The following GHR variants were observed in gnomAD, a reference collection of about 807,000 sequenced individuals.
GHR encodes growth hormone receptor.
Under a neutral mutation model 67.1 loss-of-function variants are expected in GHR, and 35 were observed. The ratio of observed to expected loss-of-function variants is 0.52; its 90% confidence interval spans 0.40 to 0.69. The LOEUF is 0.69. Among genes scored for constraint, GHR ranks in the 30% least tolerant of loss-of-function variants. GHR has a pLI of 0.00. For synonymous variants in GHR, 272 were observed against 269.1 expected (o/e 1.01, Z -0.10); for missense variants, 792 against 764.6 (o/e 1.04, Z -0.42).
At chr5:42,688,803 T>A in intron 3 of GHR, 87 bp from the exon 4 acceptor site, 1 of 1,241,782 alleles carries the variant, frequency 8.1e-7, no homozygotes. Context: ...TCCCAGTAGT[T>A]TCTTCACACA....
At chr5:42,425,453 G>C (rs1742810140) in intron 1 of GHR, among the ~76,000 whole-genome samples, 1 of 152,184 alleles carries the variant, frequency 6.6e-6, no homozygotes, top group Admixed American at 6.5e-5. Context: ...AATCACCCTA[G>C]AAGTGTCTTT....
intron 5 of GHR, among the ~76,000 whole-genome samples, chr5:42,695,861 T>G (rs1757648345): frequency 6.6e-6 from 1 of 152,250 alleles, no homozygotes; most frequent in African/African-American, 2.4e-5. Flanking sequence ...TTCTCGTTGC[T>G]TCTCCCAAAT....
intron 1 of GHR, among the ~76,000 whole-genome samples, chr5:42,492,006 T>G (rs1487659563): frequency 6.6e-6 from 1 of 152,224 alleles, no homozygotes; most frequent in Admixed American, 6.5e-5. Context: ...GAATAAGAGA[T>G]AAATCTCAAG....
At chr5:42,553,455 C>G (rs768343753) in intron 1 of GHR, among the ~76,000 whole-genome samples, 1 of 152,104 alleles carries the variant, frequency 6.6e-6, no homozygotes, top group African/African-American at 2.4e-5. Flanking sequence ...CTATGTACCC[C>G]CTTCCAGCAA....
chr5:42,670,985 A>G (rs1185600841), intron 3 of GHR, among the ~76,000 whole-genome samples: 4 of 151,892 alleles, frequency 2.6e-5, no homozygotes, highest in African/African-American at 9.7e-5. Context: ...AAAACAAACT[A>G]CAGGCCAACA....
At chr5:42,580,490 T>TCA (rs1751106081) in intron 2 of GHR, among the ~76,000 whole-genome samples, 2 of 152,188 alleles carry the variant, frequency 1.3e-5, no homozygotes, top group African/African-American at 2.4e-5. Context: ...AAAGTTGATC[T>TCA]TTAATATTTT....
At chr5:42,615,659 AT>A (rs1480605977) in intron 2 of GHR, among the ~76,000 whole-genome samples, 1 of 151,986 alleles carries the variant, frequency 6.6e-6, no homozygotes, top group Non-Finnish European at 1.5e-5. Flanking sequence ...GTCAGCACAT[AT>A]TATGGTTAAA....
chr5:42,600,791 C>T (rs140314424), intron 2 of GHR, among the ~76,000 whole-genome samples: 21 of 152,218 alleles, frequency 1.4e-4, no homozygotes, highest in African/African-American at 4.1e-4. Flanking sequence ...TGTCATGCTA[C>T]GCTCTAGCCC....
At chr5:42,617,060 C>G (rs1753188843) in intron 2 of GHR, among the ~76,000 whole-genome samples, 1 of 151,882 alleles carries the variant, frequency 6.6e-6, no homozygotes, top group Non-Finnish European at 1.5e-5. Context: ...AAGGAAATTC[C>G]TGGGAGCGCA....
intron 1 of GHR, among the ~76,000 whole-genome samples, chr5:42,483,176 C>G: frequency 6.6e-6 from 1 of 152,254 alleles, no homozygotes; most frequent in South Asian, 2.1e-4. Context: ...TCAAGGGATT[C>G]GAGTAGCTAG....
At chr5:42,716,067 CA>C (rs1441403650) in intron 8 of GHR, among the ~76,000 whole-genome samples, 1 of 151,854 alleles carries the variant, frequency 6.6e-6, no homozygotes. Context: ...GTCACAAAGT[CA>C]AACATCAGCC....
At chr5:42,466,696 CTTACTTTCTGT>C (rs992552358) in intron 1 of GHR, among the ~76,000 whole-genome samples, 1 of 152,218 alleles carries the variant, frequency 6.6e-6, no homozygotes, top group African/African-American at 2.4e-5. Flanking sequence ...CCTTCAGGTG[CTTACTTTCTGT>C]TTTCTTTAAA....
intron 1 of GHR, among the ~76,000 whole-genome samples, chr5:42,450,161 A>C (rs1233747162): frequency 6.6e-6 from 1 of 152,192 alleles, no homozygotes; most frequent in East Asian, 1.9e-4. Context: ...GCTTCATAGA[A>C]TGATTTCCTC....
intron 6 of GHR, among the ~76,000 whole-genome samples, chr5:42,703,000 A>G (rs1478606841): frequency 6.6e-6 from 1 of 151,952 alleles, no homozygotes; most frequent in African/African-American, 2.4e-5. Flanking sequence ...CTCCCATTCC[A>G]TAGAGTGTCT....
intron 1 of GHR, among the ~76,000 whole-genome samples, chr5:42,486,716 G>A (rs1745897683): frequency 1.3e-5 from 2 of 151,950 alleles, no homozygotes; most frequent in Non-Finnish European, 2.9e-5. Flanking sequence ...GCGTCGTGGC[G>A]GGCACCTGTA....
intron 6 of GHR, among the ~76,000 whole-genome samples, chr5:42,705,797 G>T (rs1379969414): frequency 6.6e-6 from 1 of 151,908 alleles, no homozygotes; most frequent in Non-Finnish European, 1.5e-5. Context: ...CCTTTATCCA[G>T]TGTACCATTT....
intron 7 of GHR, 106 bp from the exon 8 acceptor site, chr5:42,713,323 T>C: frequency 1.4e-6 from 1 of 712,050 alleles, no homozygotes; most frequent in Non-Finnish European, 2.6e-6. Context: ...ACTGACTTTA[T>C]TAGATGAATA....
At chr5:42,467,442 T>G in intron 1 of GHR, 1 of 965,344 alleles carries the variant, frequency 1.0e-6, no homozygotes, top group South Asian at 1.4e-5. Context: ...TCCCAGTAAA[T>G]GTTTTCCGAC....
intron 3 of GHR, among the ~76,000 whole-genome samples, chr5:42,658,137 C>T (rs1051465985): frequency 1.3e-5 from 2 of 152,070 alleles, no homozygotes; most frequent in African/African-American, 4.8e-5. Flanking sequence ...AAGTACAGGA[C>T]TCTTAATTAT....
Sources: allele counts gnomAD v4.1 joint callset (sites outside exome capture counted in the v4.1 genomes callset), GRCh38; gene constraint gnomAD v4.1.1; transcripts MANE v1.5; gene names NCBI Gene and HGNC (gene_info 2026-07-23, HGNC 2026-07-21).